FBXO38: variants seen among roughly 807,000 people sequenced by gnomAD.
FBXO38 encodes F-box only protein 38.
A neutral mutation model predicts 131.9 loss-of-function variants in FBXO38; 53 were observed. The ratio of observed to expected loss-of-function variants is 0.40; its 90% CI spans 0.32 to 0.51. The LOEUF is 0.51. FBXO38 is among the 20% of genes least tolerant of loss of function. FBXO38 has a pLI of 0.53. For synonymous variants in FBXO38, 452 were observed against 505.6 expected, an observed-to-expected ratio of 0.89 and a Z score of 1.42; for missense variants, 1,076 against 1,475.6, an observed-to-expected ratio of 0.73 and a Z score of 4.44.
intron 2 of FBXO38, among the ~76,000 whole-genome samples, chr5:148,396,152 T>A (rs1758467251): frequency 6.6e-6 from 1 of 152,162 alleles, no homozygotes; most frequent in South Asian, 2.1e-4. Context: ...TTCAGTTCTG[T>A]CTGGGATTAG....
intron 2 of FBXO38, among the ~76,000 whole-genome samples, chr5:148,397,965 G>C (rs1751897925): frequency 6.6e-6 from 1 of 152,158 alleles, no homozygotes; most frequent in Admixed American, 6.5e-5. Flanking sequence ...GAACAAGTAA[G>C]GGATGATGAA....
intron 15 of FBXO38, among the ~76,000 whole-genome samples, chr5:148,428,948 A>G (rs775283051): frequency 3.1e-4 from 47 of 152,164 alleles, no homozygotes; most frequent in Non-Finnish European, 2.5e-4. Flanking sequence ...CTTAAATTGT[A>G]AATGTTTGAT....
In FBXO38 at chr5:148,414,244, G is replaced by A. The variant is rs777938088; in HGVS notation, c.1202G>A (p.Cys401Tyr). 5 of 1,612,224 alleles carry A rather than the reference G, an allele frequency of 3.1e-6. No individual in the cohort carries two copies. The East Asian group carries it at 8.9e-5, about 29-fold the overall frequency. Reference sequence around the variant, plus strand: ...AAAGCAGTCAATGAAGTTTTTTCCTGTATCAAATATCTGGCAATTTACAAT... The same window carrying A: ...AAAGCAGTCAATGAAGTTTTTTCCTATATCAAATATCTGGCAATTTACAAT... ...GMKAVNEVFS[C>Y]IKYLAIYNCP... Residue 401 changes from cysteine to tyrosine, a missense_variant, in exon 10 of 22, where the codon TGT becomes TAT. Cys to Tyr is a radical substitution (Grantham distance 194). Coordinates refer to ENST00000340253, the MANE Select transcript of FBXO38 (RefSeq NM_205836.3).
chr5:148,426,820 G>A (rs1753736582), intron 14 of FBXO38, among the ~76,000 whole-genome samples: 1 of 152,154 alleles, frequency 6.6e-6, no homozygotes, highest in African/African-American at 2.4e-5. Flanking sequence ...GCTTTGGGGT[G>A]GGGGTGCAGA....
intron 7 of FBXO38, among the ~76,000 whole-genome samples, chr5:148,407,304 C>T (rs1752494433): frequency 6.6e-6 from 1 of 152,110 alleles, no homozygotes; most frequent in Non-Finnish European, 1.5e-5. Context: ...GTGCTAAAAG[C>T]TGAGTTTGTA....
At chr5:148,410,568 T>A in intron 8 of FBXO38, 67 bp from the exon 9 acceptor site, 1 of 1,567,402 alleles carries the variant, frequency 6.4e-7, no homozygotes, top group Non-Finnish European at 8.7e-7. Flanking sequence ...TACACTTATA[T>A]TAGGAGGAAT....
At chr5:148,434,725 C>G (rs923046571) in intron 17 of FBXO38, 8 of 152,118 alleles carry the variant, frequency 5.3e-5, no homozygotes, top group Admixed American at 4.6e-4. Context: ...ATAAAAGTTA[C>G]GTTTATACTA....
intron 1 of FBXO38, among the ~76,000 whole-genome samples, chr5:148,390,891 AAGG>A (rs1046933519): frequency 2.0e-5 from 3 of 152,110 alleles, no homozygotes; most frequent in African/African-American, 4.8e-5. Context: ...GAGGAAGAAA[AAGG>A]AGGAAGAAGG....
chr5:148,393,994 T>C (rs1758347836), intron 1 of FBXO38, among the ~76,000 whole-genome samples: 1 of 152,184 alleles, frequency 6.6e-6, no homozygotes, highest in Non-Finnish European at 1.5e-5. Flanking sequence ...TTCTTTCTCT[T>C]TTCATCCTTC....
At chr5:148,392,394 T>G (rs1468581236) in intron 1 of FBXO38, among the ~76,000 whole-genome samples, 5 of 152,252 alleles carry the variant, frequency 3.3e-5, no homozygotes, top group African/African-American at 1.2e-4. Context: ...TATTTGTATA[T>G]ATCTGTGTAT....
In FBXO38 at chr5:148,439,727, C is replaced by A. The variant is rs1754563512; in HGVS notation, c.3105C>A (p.Asn1035Lys). 2 of 1,613,558 alleles carry A rather than the reference C, an allele frequency of 1.2e-6. No individual in the cohort carries two copies. Among genetic ancestry groups the A allele is most frequent in the Non-Finnish European group, 1.7e-6 (2 of 1,179,918 alleles). Reference sequence around the variant, plus strand: ...TCTGTATTATCCATGAATTCAGTAACCCTCCCAATGTCCGGAATAAGGTGC... The same window carrying A: ...TCTGTATTATCCATGAATTCAGTAAACCTCCCAATGTCCGGAATAAGGTGC... Reference protein sequence around the residue: ...YHICIIHEFSNPPNVRNKVRI... With the variant: ...YHICIIHEFSKPPNVRNKVRI... The change falls in exon 19 of 22, where the codon AAC becomes AAA. Residue 1035 changes from asparagine (N) to lysine (K), a missense_variant. By Grantham distance (94) the Asn-to-Lys change is moderately conservative. Coordinates refer to ENST00000340253, the MANE Select transcript of FBXO38 (RefSeq NM_205836.3).
intron 15 of FBXO38, among the ~76,000 whole-genome samples, chr5:148,432,614 A>G (rs1754098409): frequency 1.3e-5 from 2 of 152,238 alleles, no homozygotes; most frequent in Non-Finnish European, 2.9e-5. Context: ...AGTGCCTGAC[A>G]CACAGTAAGC....
Position 148,433,221 on chromosome 5 carries a change from G to T in FBXO38, c.2654-203G>T. ...AGGCATGAGAAGGGTTGTTATGTTT[G>T]ATGTAGATATGTTTGAAGTAATGGA... On this transcript the variant is annotated intron_variant, in intron 15 of 21. Coordinates refer to ENST00000340253, the MANE Select transcript of FBXO38 (RefSeq NM_205836.3). 1.4e-5 allele frequency: 7 copies of T among 496,986 alleles called. No homozygotes were observed. In the South Asian group the frequency reaches 1.7e-4, roughly 12 times the overall value. 30.8% of individuals were successfully genotyped at this position (496,986 alleles called of 1,614,324 possible).
At chr5:148,393,825 TC>T (rs1314914048) in intron 1 of FBXO38, among the ~76,000 whole-genome samples, 2 of 152,084 alleles carry the variant, frequency 1.3e-5, no homozygotes, top group Non-Finnish European at 2.9e-5. Flanking sequence ...CCTATAAACT[TC>T]CCTATATCTG....
rs369142719 is a variant in FBXO38, at chr5:148,433,740, A to T, written c.2857+3A>T. ...TCCAAAGATGATGTTCATCCATGGTATGTATTTGGGCCCATATTATACAAG... is the reference window on the plus strand; with the variant it reads ...TCCAAAGATGATGTTCATCCATGGTTTGTATTTGGGCCCATATTATACAAG... On this transcript the variant is annotated splice_donor_region_variant and intron_variant, in intron 17 of 21. Transcript: ENST00000340253. 5.1e-6 allele frequency: 8 copies of T among 1,558,380 alleles called. No individual in the cohort carries two copies. The highest frequency in any genetic ancestry group is 5.3e-6 in the Non-Finnish European group (6 of 1,136,690).
At chr5:148,424,176 A>G in intron 13 of FBXO38, 59 bp downstream of exon 13, 1 of 1,527,796 alleles carries the variant, frequency 6.5e-7, no homozygotes, top group Non-Finnish European at 8.9e-7. Flanking sequence ...ACTGTAATGA[A>G]GTACATGAGA....
At chr5:148,392,581 T>TGTGTGTGTGTG (rs1758253834) in intron 1 of FBXO38, among the ~76,000 whole-genome samples, 1 of 141,856 alleles carries the variant, frequency 7.0e-6, no homozygotes, top group South Asian at 2.3e-4. Flanking sequence ...TTGCTTTTCT[T>TGTGTGTGTGTG]TGTGTGTGTG....
Position 148,425,622 on chromosome 5 carries a change from G to T in FBXO38, c.1839G>T (p.Trp613Cys). Residue 613 changes from tryptophan (W) to cysteine (C), a missense_variant, in exon 14 of 22, where the codon TGG (tryptophan) becomes TGT (cysteine). By Grantham distance (215) the Trp-to-Cys change is radical. Transcript: ENST00000340253. ...ATAGTCTAGAACTCCAAGAAGTCTG[G>T]ATTCCTAAGAACGGTACTCGGCGTT... ...EEDSLELQEV[W>C]IPKNGTRRYS... The T allele has an allele frequency of 1.2e-6, 2 of 1,613,994 alleles. No individual in the cohort carries two copies. The highest frequency in any genetic ancestry group is 8.5e-7 in the Non-Finnish European group (1 of 1,179,904).
intron 12 of FBXO38, 73 bp from the exon 13 acceptor site, chr5:148,423,925 G>T: frequency 2.1e-6 from 3 of 1,444,264 alleles, no homozygotes; most frequent in Non-Finnish European, 2.8e-6. Flanking sequence ...TCTTAGGGCG[G>T]CCACAGTTTT....
Sources: gnomAD v4.1 joint callset for allele counts (sites outside exome capture counted in the v4.1 genomes callset) on GRCh38, gnomAD v4.1.1 for gene constraint, MANE v1.5 for transcripts, NCBI Gene and HGNC (gene_info 2026-07-23, HGNC 2026-07-21) for gene names.